TMOD3: variants seen among roughly 807,000 people sequenced by gnomAD.
TMOD3 encodes the protein tropomodulin-3.
Under a neutral mutation model 39.2 loss-of-function variants are expected in TMOD3, and 20 were observed. That is an observed-to-expected ratio of 0.51 (90% confidence interval 0.36 to 0.74). The LOEUF (loss-of-function observed/expected upper bound fraction) is 0.74, where lower values mean the gene tolerates loss of function less well. Ranked by LOEUF, TMOD3 falls within the 30% of genes least tolerant of loss-of-function variation. The pLI is 0.00. For synonymous variants in TMOD3, 143 were observed against 145.8 expected (o/e 0.98, Z 0.14); for missense variants, 381 against 412.8 (o/e 0.92, Z 0.67).
chr15:51,893,790 C>A, intron 5 of TMOD3, 25 bp from the exon 6 acceptor site: 1 of 1,482,618 alleles, frequency 6.7e-7, no homozygotes, highest in Non-Finnish European at 9.0e-7. Context: ...GTATCAAATC[C>A]TGCTCTTTTC....
At chr15:51,871,359 T>C (rs774962025) in intron 3 of TMOD3, among the ~76,000 whole-genome samples, 18 of 152,232 alleles carry the variant, frequency 1.2e-4, no homozygotes, top group Admixed American at 2.0e-4. Flanking sequence ...CCTGCTTAAA[T>C]AGAAGAACAT....
chr15:51,906,731 A>C (rs562905838), intron 9 of TMOD3, among the ~76,000 whole-genome samples: 2 of 152,274 alleles, frequency 1.3e-5, no homozygotes, highest in East Asian at 3.9e-4. Context: ...ACCCTAAAGA[A>C]TTATCTGGGC....
chr15:51,883,696 C>T (rs980142537), intron 3 of TMOD3, among the ~76,000 whole-genome samples: 1 of 152,102 alleles, frequency 6.6e-6, no homozygotes, highest in Non-Finnish European at 1.5e-5. Flanking sequence ...TTCAGCTGCC[C>T]ATGCAGCATA....
At chr15:51,877,487 G>T (rs1295930180) in intron 3 of TMOD3, among the ~76,000 whole-genome samples, 5 of 152,084 alleles carry the variant, frequency 3.3e-5, no homozygotes, top group Non-Finnish European at 7.4e-5. Context: ...ATACCAGCCT[G>T]ACCAACATGG....
In TMOD3 at chr15:51,911,390, A is replaced by G. The variant is rs999086281; in HGVS notation, c.*2580A>G. 2.0e-5 allele frequency: 3 copies of G among 152,348 alleles called. No homozygotes were observed. The highest frequency in any genetic ancestry group is 2.9e-5 in the Non-Finnish European group (2 of 68,034). 9.4% of individuals were successfully genotyped at this position (152,348 alleles called of 1,614,324 possible). The stretch of plus-strand genomic sequence containing the variant: ...AAGAAATGATTTCTTCATAAGTGAC[A>G]TTAAATATGAACATTCATCCAATTG... On this transcript the variant is annotated 3_prime_UTR_variant, in exon 10 of 10. Transcript: ENST00000308580.
At chr15:51,869,191 AT>A (rs1445498541) in intron 2 of TMOD3, 25 bp from the exon 3 acceptor site, 1 of 1,607,254 alleles carries the variant, frequency 6.2e-7, no homozygotes, top group South Asian at 1.1e-5. Context: ...TATTGGTCAT[AT>A]TGGCTGATTC....
intron 7 of TMOD3, among the ~76,000 whole-genome samples, chr15:51,897,482 A>ATTTTTT (rs1167476019): frequency 3.5e-5 from 4 of 113,084 alleles, no homozygotes; most frequent in South Asian, 2.7e-4. Context: ...AAAAAAAAAA[A>ATTTTTT]TTTTTTTTTT....
chr15:51,849,935 A>AT (rs2056352929), intron 1 of TMOD3, among the ~76,000 whole-genome samples: 1 of 151,682 alleles, frequency 6.6e-6, no homozygotes. Flanking sequence ...CTCTGTCTCA[A>AT]TAAAAAAAAA....
intron 5 of TMOD3, among the ~76,000 whole-genome samples, chr15:51,893,163 C>T (rs185709235): frequency 6.1e-4 from 92 of 151,672 alleles, no homozygotes; most frequent in Middle Eastern, 3.4e-3. Flanking sequence ...GGCATGGTGA[C>T]ACACGCCTGT....
chr15:51,903,278 G>C (rs1302431135), intron 9 of TMOD3, among the ~76,000 whole-genome samples: 1 of 152,182 alleles, frequency 6.6e-6, no homozygotes, highest in Non-Finnish European at 1.5e-5. Context: ...AAAGAATATG[G>C]TACTTAGAAT....
At chr15:51,843,595 T>C (rs891538685) in intron 1 of TMOD3, among the ~76,000 whole-genome samples, 1 of 152,188 alleles carries the variant, frequency 6.6e-6, no homozygotes. Context: ...GCAGTATTTT[T>C]TACTTCCTCT....
At chr15:51,850,696 C>T (rs755264687) in intron 1 of TMOD3, among the ~76,000 whole-genome samples, 3 of 152,078 alleles carry the variant, frequency 2.0e-5, no homozygotes, top group Non-Finnish European at 2.9e-5. Flanking sequence ...TCATCTGCCA[C>T]CCTGGTGCTG....
chr15:51,836,410 T>C (rs2056283687), intron 1 of TMOD3, among the ~76,000 whole-genome samples: 1 of 152,154 alleles, frequency 6.6e-6, no homozygotes. Context: ...TAATATGTCA[T>C]ATTTTGTGCC....
In TMOD3 at chr15:51,860,711, G is replaced by A. The variant is rs1344111921; in HGVS notation, c.-74-2100G>A. 15 of 414,874 alleles carry A rather than the reference G, an allele frequency of 3.6e-5. No homozygotes were observed. In the East Asian group the frequency reaches 9.7e-4, roughly 27 times the overall value. 25.7% of individuals were successfully genotyped at this position (414,874 alleles called of 1,614,324 possible). On this transcript the variant is annotated intron_variant, in intron 1 of 9. Coordinates refer to ENST00000308580, the MANE Select transcript of TMOD3 (RefSeq NM_014547.5). ...AGCACTTTGGGAGGCCGAGGCGGGTGGATCACCTGAGGTCAGGAGTTGGAG... is the reference window on the plus strand; with the variant it reads ...AGCACTTTGGGAGGCCGAGGCGGGTAGATCACCTGAGGTCAGGAGTTGGAG...
intron 1 of TMOD3, among the ~76,000 whole-genome samples, chr15:51,857,846 A>G (rs1205136220): frequency 2.0e-5 from 3 of 152,188 alleles, no homozygotes; most frequent in South Asian, 2.1e-4. Flanking sequence ...TGTCTGAAAT[A>G]TCACATCATT....
At chr15:51,843,096 C>G (rs1229122518) in intron 1 of TMOD3, among the ~76,000 whole-genome samples, 1 of 152,146 alleles carries the variant, frequency 6.6e-6, no homozygotes, top group Non-Finnish European at 1.5e-5. Context: ...TATGCCATAC[C>G]TGGAGCACTG....
chr15:51,868,078 G>A (rs143098641), intron 2 of TMOD3, among the ~76,000 whole-genome samples: 4 of 152,278 alleles, frequency 2.6e-5, no homozygotes, highest in South Asian at 2.1e-4. Flanking sequence ...ATATATGTAC[G>A]CATACACACA....
At chr15:51,861,376 C>A (rs2554328) in intron 1 of TMOD3, 2 of 184,484 alleles carry the variant, frequency 1.1e-5, no homozygotes, top group African/African-American at 4.7e-5. Context: ...TTGTTGGACC[C>A]AAGGTGGTTG....
chr15:51,860,963 G>T, intron 1 of TMOD3: 1 of 511,858 alleles, frequency 2.0e-6, no homozygotes. Context: ...CTACATAGGA[G>T]AGCCAAAGTT....
Sources: gnomAD v4.1 joint callset for allele counts (sites outside exome capture counted in the v4.1 genomes callset) on GRCh38, gnomAD v4.1.1 for gene constraint, MANE v1.5 for transcripts, NCBI Gene and HGNC (gene_info 2026-07-23, HGNC 2026-07-21) for gene names.